The following BARX2 variants were observed in gnomAD, a reference collection of about 807,000 sequenced individuals.
BARX2 encodes BARX homeobox 2.
In BARX2, 11 loss-of-function variants were observed where a neutral mutation model predicts 25.5. The observed-to-expected ratio is 0.43, with a 90% CI of 0.27 to 0.71. The LOEUF is 0.71. Among genes scored for constraint, BARX2 ranks in the 30% least tolerant of loss-of-function variants. BARX2 has a pLI of 0.19. For missense variants in BARX2, 360 were observed against 359.9 expected (o/e 1.00, Z 0.00); for synonymous variants, 137 against 149.5 (o/e 0.92, Z 0.61).
intron 1 of BARX2, among the ~76,000 whole-genome samples, chr11:129,419,863 C>T (rs1301347585): frequency 6.6e-6 from 1 of 152,056 alleles, no homozygotes; most frequent in East Asian, 1.9e-4. Flanking sequence ...TCACTGCAGC[C>T]TCCGCCTCCC....
intron 1 of BARX2, among the ~76,000 whole-genome samples, chr11:129,399,157 G>A (rs1449206179): frequency 1.3e-5 from 2 of 152,298 alleles, no homozygotes; most frequent in Non-Finnish European, 2.9e-5. Context: ...GTGGAATATT[G>A]AATTCATAAT....
At chr11:129,423,755 A>G (rs1476060735) in intron 1 of BARX2, among the ~76,000 whole-genome samples, 1 of 152,092 alleles carries the variant, frequency 6.6e-6, no homozygotes, top group African/African-American at 2.4e-5. Context: ...CTCTTATGCT[A>G]TATAATGCCT....
Position 129,451,584 on chromosome 11 carries a change from T to A in BARX2, c.*182T>A. 1.4e-6 allele frequency: 1 copy of A among 740,600 alleles called. No individual in the cohort carries two copies. Among genetic ancestry groups the A allele is most frequent in the Admixed American group, 3.0e-5 (1 of 33,670 alleles). 45.9% of individuals were successfully genotyped at this position (740,600 alleles called of 1,614,324 possible). On this transcript the variant is annotated 3_prime_UTR_variant, in exon 4 of 4. Coordinates refer to ENST00000281437, the MANE Select transcript of BARX2 (RefSeq NM_003658.5). ...TCGCAAGCATTTGACAAAGACTTGC[T>A]TGTCTTGGGCCTGTCACCTCCTGAA...
At position 129,451,279 on chromosome 11, in the gene BARX2, G is replaced by C; in HGVS notation, c.717G>C (p.Gly239=). ...AGGAGCAGCTGGAGCCCTCTCAGGG[G>C]CAGGAGGAGCTCTGTGAAGCACAGG... ...QGQEQLEPSQ[G]QEELCEAQEP... Residue 239 remains glycine, a synonymous_variant, in exon 4 of 4, where the codon GGG becomes GGC. Coordinates refer to ENST00000281437, the MANE Select transcript of BARX2 (RefSeq NM_003658.5). 1 of 1,614,180 alleles carries C rather than the reference G, an allele frequency of 6.2e-7. No individual in the cohort carries two copies. Among genetic ancestry groups the C allele is most frequent in the South Asian group, 1.1e-5 (1 of 91,078 alleles).
intron 1 of BARX2, among the ~76,000 whole-genome samples, chr11:129,416,412 C>T (rs118147501): frequency 6.6e-6 from 1 of 152,334 alleles, no homozygotes; most frequent in Non-Finnish European, 1.5e-5. Flanking sequence ...GCATGACAGC[C>T]TCTTCCTACA....
intron 1 of BARX2, among the ~76,000 whole-genome samples, chr11:129,388,934 G>A (rs1861641360): frequency 1.3e-5 from 2 of 152,110 alleles, no homozygotes; most frequent in Admixed American, 1.3e-4. Context: ...TAACTTCTAT[G>A]ACACTCAGTT....
intron 1 of BARX2, among the ~76,000 whole-genome samples, chr11:129,414,804 A>G (rs1861927944): frequency 6.6e-6 from 1 of 152,242 alleles, no homozygotes; most frequent in South Asian, 2.1e-4. Flanking sequence ...AGGTGTGAGA[A>G]GCCCAAATAC....
At chr11:129,430,581 G>C (rs1270475030) in intron 1 of BARX2, among the ~76,000 whole-genome samples, 2 of 152,110 alleles carry the variant, frequency 1.3e-5, no homozygotes, top group South Asian at 2.1e-4. Flanking sequence ...AGAAGAGCAA[G>C]TTTTGACAAA....
chr11:129,417,136 C>T (rs1443259902), intron 1 of BARX2, among the ~76,000 whole-genome samples: 2 of 152,040 alleles, frequency 1.3e-5, no homozygotes, highest in African/African-American at 2.4e-5. Flanking sequence ...CTCCTGACCT[C>T]GTGATCCACC....
At chr11:129,375,724 G>A (rs1013514892), upstream of BARX2, among the ~76,000 whole-genome samples, 1 of 152,026 alleles carries the variant, frequency 6.6e-6, no homozygotes, top group Non-Finnish European at 1.5e-5. The surrounding 1 kb of genome is among the most constrained non-coding windows in gnomAD (Gnocchi z 4.0). Flanking sequence ...GGAGTGGCAC[G>A]GGCGGGCGGG....
At chr11:129,401,476 A>G (rs990210142) in intron 1 of BARX2, among the ~76,000 whole-genome samples, 2 of 152,200 alleles carry the variant, frequency 1.3e-5, no homozygotes, top group Non-Finnish European at 2.9e-5. Context: ...TAATTTAATC[A>G]TGCAATTTTG....
At chr11:129,428,878 C>G (rs1316568190) in intron 1 of BARX2, among the ~76,000 whole-genome samples, 1 of 152,196 alleles carries the variant, frequency 6.6e-6, no homozygotes, top group African/African-American at 2.4e-5. Context: ...CGGGGGCGCT[C>G]TCAGCCAGTG....
At chr11:129,392,044 A>G (rs7116042) in intron 1 of BARX2, among the ~76,000 whole-genome samples, 127,678 of 152,222 alleles carry the variant, frequency 0.84, 53,663 homozygotes, top group East Asian at 0.98. Flanking sequence ...GCTGGATGGA[A>G]CACTTAATTG....
At chr11:129,405,235 G>A (rs976653739) in intron 1 of BARX2, among the ~76,000 whole-genome samples, 8 of 152,184 alleles carry the variant, frequency 5.3e-5, no homozygotes, top group Admixed American at 1.3e-4. Flanking sequence ...TGTGCCAAGA[G>A]TAGGCTACTC....
At chr11:129,428,374 A>C (rs71481872) in intron 1 of BARX2, among the ~76,000 whole-genome samples, 3 of 152,200 alleles carry the variant, frequency 2.0e-5, no homozygotes, top group African/African-American at 7.2e-5. Context: ...CTTCTCAGTA[A>C]CCAAAGTGTC....
At chr11:129,430,126 G>A (rs563384620) in intron 1 of BARX2, among the ~76,000 whole-genome samples, 8 of 152,154 alleles carry the variant, frequency 5.3e-5, no homozygotes, top group East Asian at 1.9e-4. Context: ...GGATATTCCC[G>A]GAATTCTGCT....
chr11:129,447,434 G>A (rs1251863899), intron 3 of BARX2, among the ~76,000 whole-genome samples: 6 of 152,098 alleles, frequency 3.9e-5, no homozygotes, highest in Admixed American at 3.9e-4. Context: ...TGGACCAACG[G>A]GACTAAACTG....
At chr11:129,395,878 G>A (rs1047261300) in intron 1 of BARX2, among the ~76,000 whole-genome samples, 3 of 152,148 alleles carry the variant, frequency 2.0e-5, no homozygotes, top group African/African-American at 7.2e-5. Context: ...AGCGACACCC[G>A]TGCTCAGGGT....
At chr11:129,444,296 G>T (rs983062712) in intron 3 of BARX2, among the ~76,000 whole-genome samples, 1 of 152,002 alleles carries the variant, frequency 6.6e-6, no homozygotes, top group African/African-American at 2.4e-5. Context: ...AAGTCAACAA[G>T]CAGCAATTAT....
Sources: gnomAD v4.1 joint callset for allele counts (sites outside exome capture counted in the v4.1 genomes callset) on GRCh38, gnomAD v4.1.1 for gene constraint, Gnocchi (gnomAD v3.1) non-coding constraint, MANE v1.5 for transcripts, NCBI Gene and HGNC (gene_info 2026-07-23, HGNC 2026-07-21) for gene names.